DGKB: variants seen among roughly 807,000 people sequenced by gnomAD.
The protein encoded by DGKB is diacylglycerol kinase beta, also known as 90 kDa diacylglycerol kinase.
In DGKB, 67 loss-of-function variants were observed where a neutral mutation model predicts 114.3. The ratio of observed to expected loss-of-function variants is 0.59; its 90% CI spans 0.48 to 0.72. The LOEUF is 0.72. Among genes scored for constraint, DGKB ranks in the 30% least tolerant of loss-of-function variants. The pLI is 0.00. For missense variants in DGKB, 907 were observed against 975.2 expected, an observed-to-expected ratio of 0.93 and a Z score of 0.93; for synonymous variants, 398 against 323.1, an observed-to-expected ratio of 1.23 and a Z score of -2.49.
At chr7:14,811,587 T>C (rs1455380565) in intron 2 of DGKB, among the ~76,000 whole-genome samples, 3 of 152,138 alleles carry the variant, frequency 2.0e-5, no homozygotes, top group Non-Finnish European at 4.4e-5. Flanking sequence ...TCCAAATACA[T>C]AATCATGGAA....
intron 23 of DGKB, among the ~76,000 whole-genome samples, chr7:14,203,161 C>CAAAAAAAAAAAAAAAAAAAAAAAAAAAA (rs374610278): frequency 1.0e-5 from 1 of 96,152 alleles, no homozygotes; most frequent in Admixed American, 1.1e-4. Flanking sequence ...GAGCAGTAGC[C>CAAAAAAAAAAAAAAAAAAAAAAAAAAAA]AAAAAAAAAA....
intron 20 of DGKB, among the ~76,000 whole-genome samples, chr7:14,525,696 A>G (rs976229150): frequency 6.6e-6 from 1 of 151,848 alleles, no homozygotes; most frequent in Non-Finnish European, 1.5e-5. Flanking sequence ...ATATGATGCC[A>G]GTTACATTGA....
chr7:14,368,422 G>T (rs1005792217), intron 21 of DGKB, among the ~76,000 whole-genome samples: 3 of 152,072 alleles, frequency 2.0e-5, no homozygotes, highest in African/African-American at 7.2e-5. Context: ...ATGAGATATA[G>T]GTAAAGTATT....
intron 12 of DGKB, among the ~76,000 whole-genome samples, chr7:14,681,434 AGTGTGTGTGTATGT>A (rs2128967035): frequency 6.6e-6 from 1 of 150,778 alleles, no homozygotes; most frequent in East Asian, 1.9e-4. Flanking sequence ...TGTGTGTGTG[AGTGTGTGTGTATGT>A]GTGTGTGTGA....
chr7:14,373,453 T>C (rs1464101731), intron 21 of DGKB, among the ~76,000 whole-genome samples: 2 of 152,172 alleles, frequency 1.3e-5, no homozygotes, highest in African/African-American at 4.8e-5. Context: ...TTTTAAAATT[T>C]GTCTTACATT....
At chr7:14,223,729 T>C (rs1790355876) in intron 23 of DGKB, among the ~76,000 whole-genome samples, 1 of 151,760 alleles carries the variant, frequency 6.6e-6, no homozygotes, top group South Asian at 2.1e-4. Flanking sequence ...TTTGGGATTA[T>C]GTTTATTTTG....
At chr7:14,247,658 T>C (rs963027522) in intron 23 of DGKB, among the ~76,000 whole-genome samples, 1 of 152,118 alleles carries the variant, frequency 6.6e-6, no homozygotes, top group Non-Finnish European at 1.5e-5. Context: ...TTTTGCAAAA[T>C]GTCTATTCAG....
chr7:14,421,206 G>C (rs767423914), intron 21 of DGKB, among the ~76,000 whole-genome samples: 1 of 152,038 alleles, frequency 6.6e-6, no homozygotes, highest in African/African-American at 2.4e-5. Context: ...CAATTCTGTA[G>C]AGGGTATTTT....
intron 2 of DGKB, among the ~76,000 whole-genome samples, chr7:14,838,657 T>C (rs910619679): frequency 3.3e-5 from 5 of 152,150 alleles, no homozygotes; most frequent in Non-Finnish European, 2.9e-5. Context: ...ATCTACGTTA[T>C]GCAGTCTACA....
At chr7:14,219,084 T>C (rs982039157) in intron 23 of DGKB, among the ~76,000 whole-genome samples, 4 of 151,952 alleles carry the variant, frequency 2.6e-5, no homozygotes, top group African/African-American at 9.7e-5. Context: ...CTCCATGTTC[T>C]AGTTTGCATC....
At chr7:14,590,225 T>A (rs1409852976) in intron 17 of DGKB, among the ~76,000 whole-genome samples, 1 of 152,154 alleles carries the variant, frequency 6.6e-6, no homozygotes, top group African/African-American at 2.4e-5. Flanking sequence ...TAGTAACTAT[T>A]CTTAAAATTT....
At chr7:14,920,777 A>T (rs866298442) in intron 1 of DGKB, among the ~76,000 whole-genome samples, 7 of 152,196 alleles carry the variant, frequency 4.6e-5, no homozygotes, top group Non-Finnish European at 8.8e-5. Context: ...AAGATAAGTA[A>T]ACTAGGGTAC....
At chr7:14,927,869 A>G (rs1784824706) in intron 1 of DGKB, among the ~76,000 whole-genome samples, 1 of 151,860 alleles carries the variant, frequency 6.6e-6, no homozygotes, top group South Asian at 2.1e-4. Flanking sequence ...CTGCTCTAAA[A>G]TTTCTGATTT....
chr7:14,574,781 G>A (rs1014322510), intron 19 of DGKB, among the ~76,000 whole-genome samples: 1 of 152,148 alleles, frequency 6.6e-6, no homozygotes, highest in Non-Finnish European at 1.5e-5. Flanking sequence ...TGACATTTTA[G>A]ACTTTTCCCT....
At chr7:14,657,020 T>C (rs1815976360) in intron 13 of DGKB, among the ~76,000 whole-genome samples, 1 of 151,834 alleles carries the variant, frequency 6.6e-6, no homozygotes, top group African/African-American at 2.4e-5. Flanking sequence ...GATAAATGGT[T>C]GGTTAACCTC....
At chr7:14,149,260 G>A (rs188625319) in intron 25 of DGKB, 22 bp from the exon 26 acceptor site, 4 of 1,554,756 alleles carry the variant, frequency 2.6e-6, no homozygotes, top group Non-Finnish European at 3.5e-6. Context: ...GAGAGAGAGA[G>A]AGAGAGAAAG....
At chr7:14,456,423 T>C (rs1408161764) in intron 21 of DGKB, among the ~76,000 whole-genome samples, 1 of 152,042 alleles carries the variant, frequency 6.6e-6, no homozygotes, top group Admixed American at 6.6e-5. Flanking sequence ...ACTCAAGCTT[T>C]CAACATCATT....
intron 1 of DGKB, among the ~76,000 whole-genome samples, chr7:14,928,279 C>T (rs1425168586): frequency 1.3e-5 from 2 of 151,854 alleles, no homozygotes; most frequent in African/African-American, 4.8e-5. Flanking sequence ...AAGGAATTTT[C>T]AAATATTCAA....
chr7:14,910,751 C>T (rs892248020), intron 1 of DGKB, among the ~76,000 whole-genome samples: 3 of 152,086 alleles, frequency 2.0e-5, no homozygotes, highest in African/African-American at 7.2e-5. Context: ...ACCTCTGCTA[C>T]ATTGCTTCTC....
Sources: allele counts gnomAD v4.1 joint callset (sites outside exome capture counted in the v4.1 genomes callset), GRCh38; gene constraint gnomAD v4.1.1; transcripts MANE v1.5; gene names NCBI Gene and HGNC (gene_info 2026-07-23, HGNC 2026-07-21).